The following TMEM163 variants were observed in gnomAD, a reference collection of about 807,000 sequenced individuals.
TMEM163 encodes the protein transmembrane protein 163.
Under a neutral mutation model 29.3 loss-of-function variants are expected in TMEM163, and 17 were observed. That is an observed-to-expected ratio of 0.58 (90% CI 0.40 to 0.87). The LOEUF (loss-of-function observed/expected upper bound fraction) is 0.87. Among genes scored for constraint, TMEM163 ranks in the 40% least tolerant of loss-of-function variants. TMEM163 has a pLI of 0.00. For synonymous variants in TMEM163, 157 were observed against 160.6 expected (o/e 0.98, Z 0.17); for missense variants, 303 against 381.5 (o/e 0.79, Z 1.71).
chr2:134,523,252 C>T (rs149245767), intron 4 of TMEM163, among the ~76,000 whole-genome samples: 56 of 152,158 alleles, frequency 3.7e-4, no homozygotes, highest in African/African-American at 1.2e-3. Context: ...AGGTGGGGGT[C>T]GGAGCGTCTG....
intron 2 of TMEM163, among the ~76,000 whole-genome samples, chr2:134,623,582 A>T (rs571836459): frequency 6.6e-6 from 1 of 152,278 alleles, no homozygotes; most frequent in Admixed American, 6.5e-5. Context: ...AGCCTGACCA[A>T]CATGGAGAAA....
chr2:134,674,501 GCGCGCGCGCT>G (rs1558987360), intron 2 of TMEM163, among the ~76,000 whole-genome samples: 2 of 87,300 alleles, frequency 2.3e-5, no homozygotes, highest in East Asian at 4.5e-4. Flanking sequence ...GCGCGCGCGC[GCGCGCGCGCT>G]ACCATATCTG....
chr2:134,606,299 C>T (rs1682356943), intron 2 of TMEM163, among the ~76,000 whole-genome samples: 2 of 151,608 alleles, frequency 1.3e-5, no homozygotes, highest in Non-Finnish European at 1.5e-5. Context: ...GCTAAGACCG[C>T]ACCATTGCAC....
At chr2:134,533,735 A>C (rs1680466948) in intron 4 of TMEM163, among the ~76,000 whole-genome samples, 1 of 152,042 alleles carries the variant, frequency 6.6e-6, no homozygotes, top group African/African-American at 2.4e-5. Flanking sequence ...TCCTATAATC[A>C]AAACTTCCTC....
At chr2:134,592,444 CCTAT>C (rs1464528847) in intron 2 of TMEM163, among the ~76,000 whole-genome samples, 1 of 152,124 alleles carries the variant, frequency 6.6e-6, no homozygotes, top group Non-Finnish European at 1.5e-5. Flanking sequence ...TCCTTCAGGG[CCTAT>C]CTGTCAAGTG....
chr2:134,477,841 AC>A (rs1444432103), intron 5 of TMEM163, among the ~76,000 whole-genome samples: 4 of 152,202 alleles, frequency 2.6e-5, no homozygotes, highest in African/African-American at 9.6e-5. Context: ...GTGAAGCTGT[AC>A]AAGATGTGGA....
chr2:134,636,271 C>A (rs991549455), intron 2 of TMEM163, among the ~76,000 whole-genome samples: 6 of 152,230 alleles, frequency 3.9e-5, no homozygotes, highest in African/African-American at 1.4e-4. Context: ...TCTAAAGGTG[C>A]TTTAATGGAA....
chr2:134,566,008 C>T (rs879153151), intron 2 of TMEM163, among the ~76,000 whole-genome samples: 1 of 152,128 alleles, frequency 6.6e-6, no homozygotes, highest in Admixed American at 6.6e-5. Flanking sequence ...TGAGTGGTGG[C>T]TACACAGCTA....
At chr2:134,674,340 ATTTTT>A (rs72052495) in intron 2 of TMEM163, among the ~76,000 whole-genome samples, 1 of 106,578 alleles carries the variant, frequency 9.4e-6, no homozygotes, top group Non-Finnish European at 1.8e-5. Flanking sequence ...AGAGTCATTA[ATTTTT>A]TTTTTTTTTT....
chr2:134,503,147 T>G, intron 4 of TMEM163, 150 bp from the exon 5 acceptor site: 1 of 674,754 alleles, frequency 1.5e-6, no homozygotes, highest in Non-Finnish European at 2.5e-6. Flanking sequence ...GTCCATGGAT[T>G]GACACTAAGT....
At chr2:134,678,296 C>T (rs1429802159) in intron 2 of TMEM163, among the ~76,000 whole-genome samples, 1 of 152,218 alleles carries the variant, frequency 6.6e-6, no homozygotes, top group South Asian at 2.1e-4. Flanking sequence ...CTGTGTAAAT[C>T]CAGGCAGATG....
chr2:134,478,375 G>A (rs1245749030), intron 5 of TMEM163, among the ~76,000 whole-genome samples: 3 of 152,320 alleles, frequency 2.0e-5, no homozygotes, highest in African/African-American at 7.2e-5. Flanking sequence ...CTTAGAGACT[G>A]TTAAATAGTT....
chr2:134,602,799 G>T (rs1237367534), intron 2 of TMEM163, among the ~76,000 whole-genome samples: 1 of 151,856 alleles, frequency 6.6e-6, no homozygotes, highest in Non-Finnish European at 1.5e-5. Context: ...TCTTCTGCCT[G>T]TCCCTGAGAG....
intron 2 of TMEM163, among the ~76,000 whole-genome samples, chr2:134,638,645 G>A (rs1225287369): frequency 1.3e-5 from 2 of 152,140 alleles, no homozygotes; most frequent in African/African-American, 4.8e-5. Flanking sequence ...AAACCACAGA[G>A]GGAAAAATTA....
intron 2 of TMEM163, among the ~76,000 whole-genome samples, chr2:134,678,426 G>A (rs573644873): frequency 1.5e-4 from 23 of 152,204 alleles, no homozygotes; most frequent in Non-Finnish European, 2.8e-4. Context: ...GTTGCAAATG[G>A]TCTCAGAAAA....
chr2:134,678,633 C>T (rs148994538), intron 2 of TMEM163, among the ~76,000 whole-genome samples: 124 of 152,308 alleles, frequency 8.1e-4, no homozygotes, highest in Non-Finnish European at 1.4e-3. Flanking sequence ...GCTCAAGGCC[C>T]GTCTCTGCTA....
At chr2:134,660,716 C>T (rs1028173962) in intron 2 of TMEM163, among the ~76,000 whole-genome samples, 21 of 152,158 alleles carry the variant, frequency 1.4e-4, no homozygotes, top group Non-Finnish European at 7.3e-5. Context: ...GCAAGAGAAA[C>T]CAGGCCATTA....
intron 2 of TMEM163, among the ~76,000 whole-genome samples, chr2:134,597,788 C>A (rs1682122035): frequency 6.6e-6 from 1 of 152,190 alleles, no homozygotes; most frequent in Non-Finnish European, 1.5e-5. Flanking sequence ...GCCTCAATTT[C>A]AGAGCCTGTT....
chr2:134,548,275 A>G (rs1377712696), intron 4 of TMEM163, among the ~76,000 whole-genome samples: 1 of 152,196 alleles, frequency 6.6e-6, no homozygotes, highest in Non-Finnish European at 1.5e-5. Flanking sequence ...TCTAATATCA[A>G]CATGTAATGA....
Sources: gnomAD v4.1 joint callset for allele counts (sites outside exome capture counted in the v4.1 genomes callset) on GRCh38, gnomAD v4.1.1 for gene constraint, MANE v1.5 for transcripts, NCBI Gene and HGNC (gene_info 2026-07-23, HGNC 2026-07-21) for gene names.